HECW2: variants seen among roughly 807,000 people sequenced by gnomAD.
HECW2 encodes HECT, C2 and WW domain containing E3 ubiquitin protein ligase 2, also known as E3 ubiquitin-protein ligase HECW2.
HECW2 carries 61 observed loss-of-function variants against 175.2 expected under a neutral mutation model. That is an observed-to-expected ratio of 0.35 (90% CI 0.28 to 0.43). The LOEUF (loss-of-function observed/expected upper bound fraction) is 0.43, where lower values mean the gene tolerates loss of function less well. Ranked by LOEUF, HECW2 falls within the 20% of genes least tolerant of loss-of-function variation. The pLI, the probability that HECW2 is intolerant of heterozygous loss-of-function variation, is 1.00. For missense variants in HECW2, 1,524 were observed against 2,000.5 expected (o/e 0.76, Z 4.54); for synonymous variants, 671 against 731.0 (o/e 0.92, Z 1.32).
intron 13 of HECW2, among the ~76,000 whole-genome samples, chr2:196,304,348 A>G (rs1410113450): frequency 1.3e-5 from 2 of 152,074 alleles, no homozygotes; most frequent in East Asian, 3.8e-4. Context: ...TCCTTGTGAG[A>G]TTTTGAGATT....
intron 21 of HECW2, among the ~76,000 whole-genome samples, chr2:196,235,431 A>G (rs2105863276): frequency 6.6e-6 from 1 of 151,952 alleles, no homozygotes; most frequent in East Asian, 1.9e-4. Context: ...GAATACATAC[A>G]TCTCTAGTAT....
intron 16 of HECW2, among the ~76,000 whole-genome samples, 200 bp from the exon 17 acceptor site, chr2:196,271,489 T>C (rs1689736651): frequency 6.6e-6 from 1 of 152,130 alleles, no homozygotes; most frequent in Admixed American, 6.5e-5. Flanking sequence ...GGTTTTGCCA[T>C]GTTGGCCAGG....
intron 1 of HECW2, among the ~76,000 whole-genome samples, chr2:196,471,393 G>A (rs2125350975): frequency 6.6e-6 from 1 of 152,224 alleles, no homozygotes; most frequent in South Asian, 2.1e-4. Flanking sequence ...CATCCTTTGT[G>A]GAAAGCAGTG....
intron 1 of HECW2, among the ~76,000 whole-genome samples, chr2:196,583,810 G>A (rs1690879093): frequency 1.3e-5 from 2 of 152,154 alleles, no homozygotes; most frequent in South Asian, 4.2e-4. Flanking sequence ...GATCAATACT[G>A]GGCATTACAC....
At chr2:196,573,028 T>C (rs987429044) in intron 1 of HECW2, among the ~76,000 whole-genome samples, 7 of 152,186 alleles carry the variant, frequency 4.6e-5, no homozygotes, top group African/African-American at 1.4e-4. Flanking sequence ...TCTTTAAGTA[T>C]GTACCTATGG....
Position 196,381,004 on chromosome 2 carries a change from G to T in HECW2, c.293-37240C>A, listed in dbSNP as rs532430720. Among the ~76,000 whole-genome samples, 17 of 152,184 alleles carry T rather than the reference G, an allele frequency of 1.1e-4. No homozygotes were observed. The South Asian group carries it at 2.7e-3, about 24-fold the overall frequency. On this transcript the variant is annotated intron_variant, in intron 2 of 28. Transcript: ENST00000644978. Reference sequence around the variant, plus strand: ...TGGGGAGCAGAATGTGGTGGTGGGGGTTCTCACTCTACCATTCCCGAAGTG... The same window carrying T: ...TGGGGAGCAGAATGTGGTGGTGGGGTTTCTCACTCTACCATTCCCGAAGTG...
chr2:196,379,731 T>G (rs1694156307), intron 2 of HECW2, among the ~76,000 whole-genome samples: 3 of 151,784 alleles, frequency 2.0e-5, no homozygotes, highest in Middle Eastern at 3.4e-3. Context: ...CTTAAGGACT[T>G]TCCTAAATAT....
In HECW2 at chr2:196,225,798, C is replaced by A; in HGVS notation, c.3990G>T (p.Arg1330=). ...TTCTGAGAAGAGCCTTATAAAAGGG[C>A]CGTGTGAAGAAGGCATCCAACAAAT... ...HQYLLDAFFT[R]PFYKALLRIL... is the part of the protein sequence containing the mutation. Residue 1330 remains arginine (R), a synonymous_variant, in exon 23 of 29, where the codon CGG becomes CGT. Transcript: ENST00000644978. 1 of 1,609,244 alleles carries A rather than the reference C, an allele frequency of 6.2e-7. No homozygotes were observed. The highest frequency in any genetic ancestry group is 2.2e-5 in the East Asian group (1 of 44,864).
At position 196,198,435 on chromosome 2, in the gene HECW2, A is replaced by C. The variant is rs1284499485; in HGVS notation, c.*2842T>G. On this transcript the variant is annotated 3_prime_UTR_variant, in exon 29 of 29. Coordinates refer to ENST00000644978, the MANE Select transcript of HECW2 (RefSeq NM_001348768.2). The stretch of plus-strand genomic sequence containing the variant: ...TCTTCATTCCTTGATTGTAGAACTT[A>C]CCAAATTTTATTAAAAACACTTTTT... 6.6e-6 allele frequency: 1 copy of C among 152,196 alleles called. No homozygotes were observed. The highest frequency in any genetic ancestry group is 1.5e-5 in the Non-Finnish European group (1 of 68,030). The allele number at this position is 152,196 out of a possible 1,614,324, so 9.4% of individuals were successfully genotyped here.
chr2:196,404,711 C>T (rs1458691358), intron 2 of HECW2, among the ~76,000 whole-genome samples: 1 of 152,048 alleles, frequency 6.6e-6, no homozygotes, highest in Non-Finnish European at 1.5e-5. Flanking sequence ...CACTTTTTCT[C>T]CATTAATCAC....
rs889109083 is a variant in HECW2 at position 196,564,020 on chromosome 2, G to A, written c.-36+29488C>T. Among the ~76,000 whole-genome samples the A allele has an allele frequency of 2.6e-5, 4 of 152,106 alleles. No individual in the cohort carries two copies. In the South Asian group the frequency reaches 8.3e-4, roughly 32 times the overall value. ...CAAAAGGACACAGGTACTTGTATAT[G>A]GGAAAGCTACAGTAGTTAACACTTA... is the stretch of plus-strand genomic sequence containing the variant. On this transcript the variant is annotated intron_variant, in intron 1 of 28. Transcript: ENST00000644978.
At chr2:196,444,620 T>C (rs1227567141) in intron 1 of HECW2, among the ~76,000 whole-genome samples, 1 of 152,174 alleles carries the variant, frequency 6.6e-6, no homozygotes, top group Non-Finnish European at 1.5e-5. Flanking sequence ...ACAGCACTTT[T>C]TCAATGCCAA....
chr2:196,201,513 C>T (rs980367760), intron 28 of HECW2, 125 bp from the exon 29 acceptor site: 1 of 520,428 alleles, frequency 1.9e-6, no homozygotes, highest in Non-Finnish European at 3.4e-6. Flanking sequence ...TTATTTGTTG[C>T]CAATTTTCAC....
intron 13 of HECW2, among the ~76,000 whole-genome samples, chr2:196,304,900 T>C: frequency 6.6e-6 from 1 of 152,226 alleles, no homozygotes; most frequent in East Asian, 1.9e-4. Flanking sequence ...GCAGTAATTA[T>C]CAAGACAGAC....
At chr2:196,499,053 T>C (rs1214471336) in intron 1 of HECW2, among the ~76,000 whole-genome samples, 1 of 152,022 alleles carries the variant, frequency 6.6e-6, no homozygotes, top group Non-Finnish European at 1.5e-5. Flanking sequence ...CAACCTATCC[T>C]TGAAAAACCC....
intron 1 of HECW2, among the ~76,000 whole-genome samples, chr2:196,587,950 C>A (rs1450574744): frequency 6.6e-6 from 1 of 152,142 alleles, no homozygotes; most frequent in Non-Finnish European, 1.5e-5. Flanking sequence ...CAAACACATT[C>A]TTTTCTCAGG....
chr2:196,298,490 T>C lies in HECW2; in HGVS notation c.2815-5740A>G, dbSNP rs1690902673. Among the ~76,000 whole-genome samples the C allele has an allele frequency of 2.0e-5, 3 of 152,200 alleles. No homozygotes were observed. The South Asian group carries it at 6.2e-4, about 31-fold the overall frequency. ...CTACACGTAATCTATTTTTCTTTTT[T>C]TTTACATTTATTATTTTTTTCTTAT... On this transcript the variant is annotated intron_variant, in intron 13 of 28. Transcript: ENST00000644978.
intron 1 of HECW2, among the ~76,000 whole-genome samples, chr2:196,451,821 C>T (rs1279384033): frequency 6.6e-6 from 1 of 152,120 alleles, no homozygotes; most frequent in Non-Finnish European, 1.5e-5. Context: ...ATCCCTTGAA[C>T]CCAGGAGGCG....
intron 1 of HECW2, among the ~76,000 whole-genome samples, chr2:196,489,619 T>G (rs544516786): frequency 3.3e-5 from 5 of 152,334 alleles, no homozygotes; most frequent in African/African-American, 1.2e-4. Context: ...TTTCAAATAC[T>G]TACCCTTAAC....
Sources: allele counts gnomAD v4.1 joint callset (sites outside exome capture counted in the v4.1 genomes callset), GRCh38; gene constraint gnomAD v4.1.1; transcripts MANE v1.5; gene names NCBI Gene and HGNC (gene_info 2026-07-23, HGNC 2026-07-21).